GPHN: variants seen among roughly 807,000 people sequenced by gnomAD.
GPHN encodes gephyrin.
GPHN carries 17 observed loss-of-function variants against 95.5 expected under a neutral mutation model. The ratio of observed to expected loss-of-function variants is 0.18; its 90% confidence interval spans 0.12 to 0.27. The LOEUF (loss-of-function observed/expected upper bound fraction) is 0.27, where lower values mean the gene tolerates loss of function less well. GPHN is among the 10% of genes least tolerant of loss of function. The probability of loss-of-function intolerance (pLI) is 1.00; values close to 1 mark genes in which losing one functional copy is unlikely to be tolerated. For synonymous variants in GPHN, 320 were observed against 322.5 expected (o/e 0.99, Z 0.08); for missense variants, 660 against 978.1 (o/e 0.67, Z 4.34).
chr14:67,206,133 G>A, the GPHN span, among the ~76,000 whole-genome samples: 71 of 151,794 alleles, frequency 4.7e-4, no homozygotes, highest in African/African-American at 1.1e-3. Context: ...GCAGTGAGCC[G>A]AGATCATGCC....
chr14:67,244,299 T>C, the GPHN span, among the ~76,000 whole-genome samples: 27 of 152,366 alleles, frequency 1.8e-4, no homozygotes, highest in African/African-American at 6.0e-4. Flanking sequence ...TAGGTTGATA[T>C]GTGTTTTCAA....
the GPHN span, among the ~76,000 whole-genome samples, chr14:67,654,223 G>A: frequency 6.6e-6 from 1 of 152,196 alleles, no homozygotes; most frequent in Non-Finnish European, 1.5e-5. Context: ...AACCCCACAT[G>A]TCCCCAAGTA....
chr14:67,633,848 T>C, the GPHN span, among the ~76,000 whole-genome samples: 2 of 152,334 alleles, frequency 1.3e-5, no homozygotes, highest in East Asian at 3.9e-4. Context: ...CCTCCTCTCT[T>C]ATTCCTGGCT....
At chr14:66,962,922 C>T (rs1354979582) in intron 8 of GPHN, among the ~76,000 whole-genome samples, 1 of 151,834 alleles carries the variant, frequency 6.6e-6, no homozygotes, top group Non-Finnish European at 1.5e-5. Flanking sequence ...ATTAAGCCAG[C>T]ATAATAGGTA....
At chr14:67,716,103 A>G in the GPHN span, among the ~76,000 whole-genome samples, 1 of 151,942 alleles carries the variant, frequency 6.6e-6, no homozygotes, top group Non-Finnish European at 1.5e-5. Flanking sequence ...AGACTGAGGC[A>G]GGAGAATGGC....
the GPHN span, among the ~76,000 whole-genome samples, chr14:67,731,207 CTTTTT>C: frequency 9.9e-5 from 9 of 90,618 alleles, no homozygotes; most frequent in South Asian, 4.6e-4. Flanking sequence ...TTCTTTCTTT[CTTTTT>C]TTTTTTTTTT....
intron 1 of GPHN, among the ~76,000 whole-genome samples, chr14:66,574,019 GTATTGATAGGTAAAGATATGCTAC>G (rs2060807082): frequency 6.6e-6 from 1 of 152,140 alleles, no homozygotes; most frequent in Non-Finnish European, 1.5e-5. Context: ...ATCAAGGTAT[GTATTGATAGGTAAAGATATGCTAC>G]TACTAACTTT....
the GPHN span, among the ~76,000 whole-genome samples, chr14:67,606,941 C>T: frequency 2.0e-5 from 3 of 152,034 alleles, no homozygotes; most frequent in Non-Finnish European, 4.4e-5. Flanking sequence ...CCACCCTGCC[C>T]GGCCAAGAGC....
intron 2 of GPHN, among the ~76,000 whole-genome samples, chr14:66,732,235 T>C (rs1387811021): frequency 1.3e-5 from 2 of 152,052 alleles, no homozygotes; most frequent in African/African-American, 4.8e-5. Context: ...CCCAGAATGG[T>C]AGAACACTGA....
intron 1 of GPHN, among the ~76,000 whole-genome samples, chr14:66,673,306 A>G (rs573242105): frequency 2.0e-5 from 3 of 152,100 alleles, no homozygotes; most frequent in Non-Finnish European, 2.9e-5. Context: ...GTTAACCAGG[A>G]TGGTCTTGAT....
At chr14:67,492,328 G>C in the GPHN span, among the ~76,000 whole-genome samples, 1 of 152,212 alleles carries the variant, frequency 6.6e-6, no homozygotes, top group East Asian at 1.9e-4. Flanking sequence ...TTACTGTAAA[G>C]AGCTGCCTCA....
At chr14:67,618,673 G>C in the GPHN span, among the ~76,000 whole-genome samples, 1 of 152,116 alleles carries the variant, frequency 6.6e-6, no homozygotes, top group Non-Finnish European at 1.5e-5. Flanking sequence ...GAGTCACCAT[G>C]TGCAGCCAGT....
the GPHN span, chr14:67,693,019 A>G: frequency 1.1e-5 from 18 of 1,614,130 alleles, no homozygotes; most frequent in Non-Finnish European, 1.5e-5. Flanking sequence ...GAAGCTGAAC[A>G]GTTGATGTAC....
chr14:67,665,536 G>A, the GPHN span, among the ~76,000 whole-genome samples: 2 of 151,882 alleles, frequency 1.3e-5, no homozygotes, highest in Non-Finnish European at 2.9e-5. Flanking sequence ...CAAAGTGTTG[G>A]GACTACAGGT....
chr14:67,285,506 A>AC, the GPHN span, among the ~76,000 whole-genome samples: 1 of 151,844 alleles, frequency 6.6e-6, no homozygotes, highest in South Asian at 2.1e-4. Context: ...AGCTGAGACT[A>AC]CAGGTGCCCA....
At chr14:66,511,704 G>A (rs933461435) in intron 1 of GPHN, among the ~76,000 whole-genome samples, 3 of 151,952 alleles carry the variant, frequency 2.0e-5, no homozygotes, top group African/African-American at 7.2e-5. Flanking sequence ...TAAATTAATT[G>A]TATTAGGTTT....
chr14:67,608,337 A>G, the GPHN span, among the ~76,000 whole-genome samples: 48 of 152,346 alleles, frequency 3.2e-4, 1 homozygote, highest in Non-Finnish European at 1.0e-4. Flanking sequence ...GGCTATTTAC[A>G]TATAATTTAC....
At chr14:67,395,333 G>T in the GPHN span, 4 of 1,434,228 alleles carry the variant, frequency 2.8e-6, no homozygotes, top group East Asian at 2.3e-5. Flanking sequence ...CCCCCAAGGG[G>T]CAGGGTCCCC....
the GPHN span, chr14:67,611,118 C>T: frequency 6.5e-6 from 1 of 153,876 alleles, no homozygotes; most frequent in Non-Finnish European, 1.5e-5. Context: ...TAGACTAACG[C>T]CACTGATGGC....
Sources: allele counts gnomAD v4.1 joint callset (sites outside exome capture counted in the v4.1 genomes callset), GRCh38; gene constraint gnomAD v4.1.1; transcripts MANE v1.5; gene names NCBI Gene and HGNC (gene_info 2026-07-23, HGNC 2026-07-21).